TSACC: variants seen among roughly 807,000 people sequenced by gnomAD.
TSACC encodes the protein TSSK6-activating co-chaperone protein.
In TSACC, 3 loss-of-function variants were observed where a neutral mutation model predicts 6.9. The ratio of observed to expected loss-of-function variants is 0.43; its 90% CI spans 0.20 to 1.12. The LOEUF (loss-of-function observed/expected upper bound fraction) is 1.12, where lower values mean the gene tolerates loss of function less well. Among genes scored for constraint, TSACC ranks in the 50% most tolerant of loss-of-function variants. TSACC has a pLI of 0.28. For missense variants in TSACC, 137 were observed against 143.9 expected (o/e 0.95, Z 0.24); for synonymous variants, 54 against 55.1 (o/e 0.98, Z 0.09).
chr1:156,344,956 T>C (rs1002101043), intron 3 of TSACC, among the ~76,000 whole-genome samples: 1 of 152,224 alleles, frequency 6.6e-6, no homozygotes. Flanking sequence ...GAACCTCTCA[T>C]TGCTTACTGG....
intron 2 of TSACC, among the ~76,000 whole-genome samples, chr1:156,343,825 C>T (rs1451385361): frequency 6.6e-6 from 1 of 152,060 alleles, no homozygotes; most frequent in African/African-American, 2.4e-5. Context: ...GCTGCAATCT[C>T]TGCCTCCCGG....
chr1:156,338,016 A>G (rs1570943615), upstream of TSACC: 1 of 915,430 alleles, frequency 1.1e-6, no homozygotes, highest in African/African-American at 1.6e-5. Context: ...AAAGCGGGAC[A>G]CTGGGCTTCC....
chr1:156,339,757 G>A lies in TSACC; in HGVS notation c.-1G>A. 1 of 1,614,172 alleles carries A rather than the reference G, an allele frequency of 6.2e-7. No homozygotes were observed. The highest frequency in any genetic ancestry group is 8.5e-7 in the Non-Finnish European group (1 of 1,180,012). ...CAGGCACCACACCTGTTGGTGTTCAGATGGAGCGGCACACTAGTCATCCTA... is the reference window on the plus strand; with the variant it reads ...CAGGCACCACACCTGTTGGTGTTCAAATGGAGCGGCACACTAGTCATCCTA... On this transcript the variant is annotated 5_prime_UTR_variant, in exon 2 of 4. Coordinates refer to ENST00000368254, the MANE Select transcript of TSACC (RefSeq NM_001304817.2).
upstream of TSACC, chr1:156,338,397 G>A (rs1665565614): frequency 3.4e-6 from 2 of 582,576 alleles, no homozygotes; most frequent in Admixed American, 3.0e-5. Flanking sequence ...CCCTACGCAA[G>A]AACGGCCAGA....
rs540997072 is a variant in TSACC, at chr1:156,339,695, C to T, written c.-63C>T. 1.8e-5 allele frequency: 29 copies of T among 1,601,658 alleles called. No homozygotes were observed. The African/African-American group carries it at 3.2e-4, about 18-fold the overall frequency. ...GAAATTATCATAGTGAAAATACTAA[C>T]ATGGATTGTTGATCATCTGATGCTA... is the stretch of plus-strand genomic sequence containing the variant. On this transcript the variant is annotated 5_prime_UTR_variant, in exon 2 of 4. Coordinates refer to ENST00000368254, the MANE Select transcript of TSACC (RefSeq NM_001304817.2).
At chr1:156,338,371 C>T, upstream of TSACC, 1 of 624,596 alleles carries the variant, frequency 1.6e-6, no homozygotes, top group South Asian at 1.9e-5. Context: ...GACCAATTGA[C>T]AGCCTTAGTC....
intron 3 of TSACC, among the ~76,000 whole-genome samples, chr1:156,344,992 T>G (rs1230532729): frequency 6.6e-6 from 1 of 152,168 alleles, no homozygotes; most frequent in Non-Finnish European, 1.5e-5. Context: ...GATGGCCAGG[T>G]TTACCCCTGT....
intron 2 of TSACC, among the ~76,000 whole-genome samples, chr1:156,344,150 T>A (rs1666041636): frequency 6.6e-6 from 1 of 152,346 alleles, no homozygotes; most frequent in Non-Finnish European, 1.5e-5. Flanking sequence ...CATTTTTACC[T>A]TTAATCACAT....
chr1:156,342,313 A>G (rs1009940374), intron 2 of TSACC, among the ~76,000 whole-genome samples: 3 of 152,156 alleles, frequency 2.0e-5, no homozygotes, highest in Non-Finnish European at 2.9e-5. Flanking sequence ...GAGCCTGGAA[A>G]ATCCACAAAC....
intron 3 of TSACC, 85 bp downstream of exon 3, chr1:156,344,793 T>TC: frequency 1.3e-6 from 2 of 1,506,514 alleles, no homozygotes; most frequent in Non-Finnish European, 1.8e-6. Flanking sequence ...CGCCTATTGA[T>TC]CAAGAGCCAA....
chr1:156,341,289 C>A (rs1180692691), intron 2 of TSACC, among the ~76,000 whole-genome samples: 1 of 152,198 alleles, frequency 6.6e-6, no homozygotes. Context: ...GAATCTTGAG[C>A]AAATTTCATG....
At chr1:156,339,891 T>G (rs1003140286) in intron 2 of TSACC, 100 bp downstream of exon 2, 20 of 1,284,126 alleles carry the variant, frequency 1.6e-5, no homozygotes, top group African/African-American at 2.9e-5. Flanking sequence ...CACCTAGAAC[T>G]GGATCTGTTA....
intron 3 of TSACC, 68 bp downstream of exon 3, chr1:156,344,776 G>A: frequency 1.3e-6 from 2 of 1,568,246 alleles, no homozygotes; most frequent in South Asian, 2.3e-5. Context: ...GAGGTGGCTT[G>A]AGCTGTCGCC....
intron 2 of TSACC, among the ~76,000 whole-genome samples, chr1:156,342,595 C>T (rs919451541): frequency 7.9e-5 from 12 of 152,158 alleles, no homozygotes; most frequent in African/African-American, 2.9e-4. Context: ...ATGAAGAGGC[C>T]CTTCTTAATC....
chr1:156,338,082 G>C, upstream of TSACC: 2 of 1,511,326 alleles, frequency 1.3e-6, no homozygotes, highest in Non-Finnish European at 1.8e-6. Context: ...GGACGGAGCT[G>C]GGGCAACACT....
At chr1:156,345,400 T>C (rs1329381957) in intron 3 of TSACC, among the ~76,000 whole-genome samples, 1 of 151,398 alleles carries the variant, frequency 6.6e-6, no homozygotes, top group African/African-American at 2.4e-5. Flanking sequence ...CTGTCTCTAC[T>C]AAAAATACAA....
At position 156,346,767 on chromosome 1, in the gene TSACC, G is replaced by A. The variant is rs150769956; in HGVS notation, c.164-1G>A. On this transcript the variant is annotated splice_acceptor_variant, in intron 3 of 3. Transcript: ENST00000368254. LOFTEE classifies it high-confidence loss of function. The stretch of plus-strand genomic sequence containing the variant: ...CACCTCCGTTGCTTTTCCTTCTGGA[G>A]TTGATCACAAGCCCAAGGAATGCCT... 1.5e-5 allele frequency: 25 copies of A among 1,614,026 alleles called. No homozygotes were observed. The African/African-American group carries it at 2.8e-4, about 18-fold the overall frequency.
chr1:156,342,100 T>A (rs1205974958), intron 2 of TSACC, among the ~76,000 whole-genome samples: 1 of 151,452 alleles, frequency 6.6e-6, no homozygotes, highest in Non-Finnish European at 1.5e-5. Flanking sequence ...AAATGCATTC[T>A]CCTATGTCCA....
At chr1:156,340,303 C>T (rs1665795062) in intron 2 of TSACC, among the ~76,000 whole-genome samples, 1 of 152,080 alleles carries the variant, frequency 6.6e-6, no homozygotes, top group African/African-American at 2.4e-5. Context: ...GGACTGCAGG[C>T]ACCTGCCACC....
Sources: gnomAD v4.1 joint callset for allele counts (sites outside exome capture counted in the v4.1 genomes callset) on GRCh38, gnomAD v4.1.1 for gene constraint, MANE v1.5 for transcripts, NCBI Gene and HGNC (gene_info 2026-07-23, HGNC 2026-07-21) for gene names.